The following PLXNA2 variants were observed in gnomAD, a reference collection of about 807,000 sequenced individuals.
PLXNA2 encodes plexin-A2.
PLXNA2 carries 91 observed loss-of-function variants against 193.5 expected under a neutral mutation model. The ratio of observed to expected loss-of-function variants is 0.47; its 90% CI spans 0.40 to 0.56. The LOEUF (loss-of-function observed/expected upper bound fraction) is 0.56, where lower values mean the gene tolerates loss of function less well. Ranked by LOEUF, PLXNA2 falls within the 20% of genes least tolerant of loss-of-function variation. The pLI, the probability that PLXNA2 is intolerant of heterozygous loss-of-function variation, is 0.00. For missense variants in PLXNA2, 1,995 were observed against 2,503.2 expected, an observed-to-expected ratio of 0.80 and a Z score of 4.33; for synonymous variants, 997 against 1,027.3, an observed-to-expected ratio of 0.97 and a Z score of 0.56.
chr1:208,073,865 A>G (rs2478813), intron 12 of PLXNA2, among the ~76,000 whole-genome samples: 128,120 of 152,068 alleles, frequency 0.84, 54,208 homozygotes, highest in Non-Finnish European at 0.88. Flanking sequence ...GCCAAGGAAC[A>G]GCAAAGATTC....
At chr1:208,027,812 T>C (rs1041170385) in intron 31 of PLXNA2, among the ~76,000 whole-genome samples, 197 bp downstream of exon 31, 3 of 152,260 alleles carry the variant, frequency 2.0e-5, no homozygotes, top group African/African-American at 4.8e-5. Context: ...GTGTTAACAA[T>C]GAGTGAAAGA....
intron 12 of PLXNA2, among the ~76,000 whole-genome samples, chr1:208,065,456 A>G (rs1182672579): frequency 6.6e-6 from 1 of 152,224 alleles, no homozygotes; most frequent in Non-Finnish European, 1.5e-5. Flanking sequence ...GTGAAGATTA[A>G]GTGAGATAAC....
At chr1:208,224,982 C>G (rs369188980) in intron 1 of PLXNA2, among the ~76,000 whole-genome samples, 4 of 152,264 alleles carry the variant, frequency 2.6e-5, no homozygotes, top group East Asian at 3.9e-4. Context: ...CTCTCAAAAT[C>G]TCGATCAGTA....
At chr1:208,049,140 C>T (rs1047520394) in intron 17 of PLXNA2, among the ~76,000 whole-genome samples, 2 of 152,174 alleles carry the variant, frequency 1.3e-5, no homozygotes, top group East Asian at 1.9e-4. Context: ...TTTCTCCCTC[C>T]GCCTCCAGGC....
chr1:208,141,144 C>A (rs1178108355), intron 4 of PLXNA2, among the ~76,000 whole-genome samples: 1 of 152,184 alleles, frequency 6.6e-6, no homozygotes, highest in Non-Finnish European at 1.5e-5. Flanking sequence ...AATTGGCATG[C>A]AATTATCGTA....
intron 3 of PLXNA2, among the ~76,000 whole-genome samples, chr1:208,200,630 C>T (rs564703463): frequency 1.5e-4 from 20 of 134,790 alleles, no homozygotes; most frequent in Admixed American, 2.6e-4. Context: ...CTTGCTCTGT[C>T]GCCTAGGCTG....
Position 208,034,426 on chromosome 1 carries a change from G to T in PLXNA2, c.4864+67C>A, listed in dbSNP as rs541067986. 56 of 982,912 alleles carry T rather than the reference G, an allele frequency of 5.7e-5. No individual in the cohort carries two copies. The Middle Eastern group carries it at 7.4e-4, about 13-fold the overall frequency. The allele number at this position is 982,912 out of a possible 1,614,324, so 60.9% of individuals were successfully genotyped here. A position where few individuals can be genotyped will look rare whatever the true frequency, so the allele number is the denominator to read the frequency against. ...GCTGCCTGCTGTTAGAAGGGGTAGCGAGTGGGCCCTGCTAGGTCTCAGAAG... is the reference window on the plus strand; with the variant it reads ...GCTGCCTGCTGTTAGAAGGGGTAGCTAGTGGGCCCTGCTAGGTCTCAGAAG... On this transcript the variant is annotated intron_variant, in intron 27 of 31. Coordinates refer to ENST00000367033, the MANE Select transcript of PLXNA2 (RefSeq NM_025179.4).
At chr1:208,165,005 G>T (rs994857673) in intron 3 of PLXNA2, among the ~76,000 whole-genome samples, 5 of 152,248 alleles carry the variant, frequency 3.3e-5, no homozygotes, top group Non-Finnish European at 5.9e-5. Flanking sequence ...AACCAAAGCT[G>T]CTGGACCCTC....
chr1:208,227,791 C>T (rs569885784), intron 1 of PLXNA2, among the ~76,000 whole-genome samples: 9 of 152,260 alleles, frequency 5.9e-5, no homozygotes, highest in Non-Finnish European at 1.3e-4. Flanking sequence ...AAATGTCTCT[C>T]ATCCAGTCTT....
At position 208,096,009 on chromosome 1, in the gene PLXNA2, C is replaced by T. The variant is rs148555577; in HGVS notation, c.1982+20G>A. ...CCCACATCCAGACCCAGAGCAAGAC[C>T]CTTTCTAATAAGCACTTACAGTTGG... On this transcript the variant is annotated intron_variant, in intron 8 of 31. Coordinates refer to ENST00000367033, the MANE Select transcript of PLXNA2 (RefSeq NM_025179.4). 4 of 1,586,376 alleles carry T rather than the reference C, an allele frequency of 2.5e-6. No individual in the cohort carries two copies. In the South Asian group the frequency reaches 3.3e-5, roughly 13 times the overall value.
intron 27 of PLXNA2, 25 bp from the exon 28 acceptor site, chr1:208,033,534 G>A: frequency 6.4e-7 from 1 of 1,567,878 alleles, no homozygotes; most frequent in Non-Finnish European, 8.7e-7. Context: ...TTGGTGGAGG[G>A]CTGTGAGTAA....
rs1464546473 is a variant in PLXNA2 at position 208,102,012 on chromosome 1, A to C, written c.1607+1135T>G. Among the ~76,000 whole-genome samples the C allele has an allele frequency of 3.3e-5, 5 of 152,228 alleles. No individual in the cohort carries two copies. In the East Asian group the frequency reaches 9.6e-4, roughly 29 times the overall value. On this transcript the variant is annotated intron_variant, in intron 5 of 31. Coordinates refer to ENST00000367033, the MANE Select transcript of PLXNA2 (RefSeq NM_025179.4). ...TGCCATTCTGGGGCACAACATTAGCATCTTTACCACTTGTCTGACCTAAAT... is the reference window on the plus strand; with the variant it reads ...TGCCATTCTGGGGCACAACATTAGCCTCTTTACCACTTGTCTGACCTAAAT...
chr1:208,137,601 A>AGCCAG (rs1668341984), intron 4 of PLXNA2, among the ~76,000 whole-genome samples: 1 of 152,202 alleles, frequency 6.6e-6, no homozygotes, highest in African/African-American at 2.4e-5. Context: ...TCTAGGAAAG[A>AGCCAG]GCCAGGCATC....
chr1:208,060,610 A>T (rs1483057389), intron 13 of PLXNA2, 76 bp downstream of exon 13: 3 of 1,411,010 alleles, frequency 2.1e-6, no homozygotes, highest in Non-Finnish European at 2.9e-6. Context: ...GAAAAGGCCC[A>T]GGAAGGGAGA....
At chr1:208,123,000 A>G (rs1396715086) in intron 4 of PLXNA2, among the ~76,000 whole-genome samples, 1 of 152,222 alleles carries the variant, frequency 6.6e-6, no homozygotes, top group Non-Finnish European at 1.5e-5. Flanking sequence ...CTGTACAACC[A>G]TTAGCACAAT....
In PLXNA2 at chr1:208,056,201, C is replaced by T. The variant is rs139147008; in HGVS notation, c.2739-1663G>A. On this transcript the variant is annotated intron_variant, in intron 13 of 31. Transcript: ENST00000367033. Reference sequence around the variant, plus strand: ...GGTCCCTGACATCCTGCAAACGATGCCCACCATGCTCAAGGAGCTCCAGGG... The same window carrying T: ...GGTCCCTGACATCCTGCAAACGATGTCCACCATGCTCAAGGAGCTCCAGGG... Among the ~76,000 whole-genome samples, 24 of 152,320 alleles carry T rather than the reference C, an allele frequency of 1.6e-4. 1 individual carries two copies. The East Asian group carries it at 4.4e-3, about 28-fold the overall frequency.
At chr1:208,101,104 G>A (rs1183314466) in intron 5 of PLXNA2, among the ~76,000 whole-genome samples, 1 of 152,180 alleles carries the variant, frequency 6.6e-6, no homozygotes, top group Non-Finnish European at 1.5e-5. Flanking sequence ...CTCTTGACTG[G>A]AGCCTTTATC....
intron 3 of PLXNA2, among the ~76,000 whole-genome samples, chr1:208,149,819 G>A (rs1247379201): frequency 6.6e-6 from 1 of 152,014 alleles, no homozygotes; most frequent in Non-Finnish European, 1.5e-5. Flanking sequence ...CCTCTATCCT[G>A]TACATACATT....
At chr1:208,178,247 C>G (rs542688223) in intron 3 of PLXNA2, among the ~76,000 whole-genome samples, 4 of 152,230 alleles carry the variant, frequency 2.6e-5, no homozygotes, top group African/African-American at 7.2e-5. Flanking sequence ...TTATGAGAAG[C>G]CTTGCTTTGA....
Sources: allele counts gnomAD v4.1 joint callset (sites outside exome capture counted in the v4.1 genomes callset), GRCh38; gene constraint gnomAD v4.1.1; transcripts MANE v1.5; gene names NCBI Gene and HGNC (gene_info 2026-07-23, HGNC 2026-07-21).